Variants in CDK5RAP1 observed in about 807,000 individuals in gnomAD.
CDK5RAP1 encodes the protein CDK5RAP1 mitochondrial tRNA methylthiotransferase.
Under a neutral mutation model 64.5 loss-of-function variants are expected in CDK5RAP1, and 62 were observed. That is an observed-to-expected ratio of 0.96 (90% CI 0.78 to 1.19). The LOEUF (loss-of-function observed/expected upper bound fraction) is 1.19, where lower values mean the gene tolerates loss of function less well. Ranked by LOEUF, CDK5RAP1 falls within the 50% of genes most tolerant of loss-of-function variation. The pLI is 0.00. For missense variants in CDK5RAP1, 657 were observed against 735.0 expected, an observed-to-expected ratio of 0.89 and a Z score of 1.23; for synonymous variants, 250 against 261.9, an observed-to-expected ratio of 0.95 and a Z score of 0.44.
Position 33,396,896 on chromosome 20 carries a change from A to T in CDK5RAP1, c.169T>A (p.Ser57Thr). ...AAAGTCGGTCCAGCAGCCAGCCTGG[A>T]GCTGAAATCCTTCCGAGCTCCATCC... The part of the protein sequence containing the change: ...QEDGARKDFS[S>T]RLAAGPTFQH... The change falls in exon 2 of 14, where the codon TCC becomes ACC. Residue 57 changes from serine (S) to threonine (T), a missense_variant. Coordinates refer to ENST00000346416, the MANE Select transcript of CDK5RAP1 (RefSeq NM_016408.4). The T allele has an allele frequency of 6.2e-7, 1 of 1,614,178 alleles. No homozygotes were observed. Among genetic ancestry groups the T allele is most frequent in the Non-Finnish European group, 8.5e-7 (1 of 1,180,024 alleles).
chr20:33,389,415 C>T (rs1352064739), intron 5 of CDK5RAP1, among the ~76,000 whole-genome samples: 1 of 151,680 alleles, frequency 6.6e-6, no homozygotes, highest in African/African-American at 2.4e-5. Flanking sequence ...AAGTGAGGAG[C>T]CCCTCCGCCC....
intron 10 of CDK5RAP1, 89 bp downstream of exon 10, chr20:33,372,553 G>T: frequency 1.7e-6 from 1 of 586,704 alleles, no homozygotes; most frequent in Non-Finnish European, 2.9e-6. Flanking sequence ...TGTGTCACAA[G>T]GAAATGCCAA....
At chr20:33,360,225 T>A in intron 13 of CDK5RAP1, 126 bp downstream of exon 13, 1 of 834,762 alleles carries the variant, frequency 1.2e-6, no homozygotes, top group Non-Finnish European at 1.9e-6. Flanking sequence ...GCCCTTCCAT[T>A]GTACTGGTTG....
At chr20:33,384,930 G>A (rs900139538) in intron 7 of CDK5RAP1, among the ~76,000 whole-genome samples, 1 of 152,104 alleles carries the variant, frequency 6.6e-6, no homozygotes, top group Non-Finnish European at 1.5e-5. Context: ...AAGAACTGGG[G>A]CAGGGGCTAC....
Position 33,392,366 on chromosome 20 carries a change from C to G in CDK5RAP1, c.444-124G>C, listed in dbSNP as rs1988418916. On this transcript the variant is annotated intron_variant, in intron 4 of 13. Coordinates refer to ENST00000346416, the MANE Select transcript of CDK5RAP1 (RefSeq NM_016408.4). ...CTTTAAATCAAGCTTTTCCAACCTG[C>G]AGCCCACGGGCCACATGCAGCCAGG... is the stretch of plus-strand genomic sequence containing the variant. 6.5e-6 allele frequency: 3 copies of G among 464,988 alleles called. No individual in the cohort carries two copies. The East Asian group carries it at 9.6e-5, about 15-fold the overall frequency. The allele number at this position is 464,988 out of a possible 1,614,324, so 28.8% of individuals were successfully genotyped here.
At chr20:33,382,609 A>C (rs1986898359) in intron 7 of CDK5RAP1, among the ~76,000 whole-genome samples, 1 of 152,138 alleles carries the variant, frequency 6.6e-6, no homozygotes, top group African/African-American at 2.4e-5. Context: ...TGAACCCAGG[A>C]GGTGGAGGTT....
chr20:33,360,223 A>G, intron 13 of CDK5RAP1, 128 bp downstream of exon 13: 1 of 820,404 alleles, frequency 1.2e-6, no homozygotes, highest in South Asian at 1.8e-5. Context: ...GTGCCCTTCC[A>G]TTGTACTGGT....
chr20:33,376,775 A>C (rs1443170598), intron 8 of CDK5RAP1, among the ~76,000 whole-genome samples: 1 of 152,230 alleles, frequency 6.6e-6, no homozygotes, highest in Non-Finnish European at 1.5e-5. Context: ...GGATCTGGGC[A>C]GAGTAAACTG....
chr20:33,374,718 C>G (rs1236866146), intron 8 of CDK5RAP1, among the ~76,000 whole-genome samples: 1 of 151,966 alleles, frequency 6.6e-6, no homozygotes, highest in Non-Finnish European at 1.5e-5. Context: ...CACAAACCAC[C>G]ACACCTGGCT....
At chr20:33,372,913 CTTTTTTT>C in intron 9 of CDK5RAP1, 1 of 201,202 alleles carries the variant, frequency 5.0e-6, no homozygotes, top group Non-Finnish European at 9.4e-6. Flanking sequence ...AGGACATAAA[CTTTTTTT>C]TTTTTTTTTT....
In CDK5RAP1 at chr20:33,372,683, G is replaced by A. The variant is rs1188630591; in HGVS notation, c.1220C>T (p.Ala407Val). 1.3e-6 allele frequency: 2 copies of A among 1,582,208 alleles called. No individual in the cohort carries two copies. Among genetic ancestry groups the A allele is most frequent in the Non-Finnish European group, 1.7e-6 (2 of 1,165,916 alleles). ...EAMRRGYSREAYVELVHHIRE... is the reference protein window; with the variant it reads ...EAMRRGYSREVYVELVHHIRE... ...AATATGGTGAACTAACTCCACATAA[G>A]CTTCTCTTGAATATCTGCAATAAAG... The change falls in exon 10 of 14, where the codon GCT becomes GTT. Residue 407 changes from alanine to valine, a missense_variant. Coordinates refer to ENST00000346416, the MANE Select transcript of CDK5RAP1 (RefSeq NM_016408.4).
rs1349554487 is a variant in CDK5RAP1, at chr20:33,385,717, G to A, written c.809C>T (p.Thr270Ile). 6.8e-6 allele frequency: 11 copies of A among 1,614,114 alleles called. No homozygotes were observed. Among genetic ancestry groups the A allele is most frequent in the Non-Finnish European group, 8.5e-6 (10 of 1,179,952 alleles). The change falls in exon 7 of 14, where the codon ACC becomes ATC. Residue 270 changes from threonine to isoleucine, a missense_variant. By Grantham distance (89) the Thr-to-Ile change is moderately conservative. Coordinates refer to ENST00000346416, the MANE Select transcript of CDK5RAP1 (RefSeq NM_016408.4). ...AGGCCGACTCCTCTCCCTGCCCCGGGTGAAAGGAACAATGCAGTAGCTACA... is the reference window on the plus strand; with the variant it reads ...AGGCCGACTCCTCTCCCTGCCCCGGATGAAAGGAACAATGCAGTAGCTACA... ...NMCSYCIVPFTRGRERSRPIA... is the reference protein window; with the variant it reads ...NMCSYCIVPFIRGRERSRPIA...
intron 10 of CDK5RAP1, 29 bp from the exon 11 acceptor site, chr20:33,370,658 G>A: frequency 1.2e-6 from 2 of 1,613,538 alleles, no homozygotes; most frequent in Non-Finnish European, 1.7e-6. Flanking sequence ...GATGACAGGT[G>A]ACTGCCTGCT....
chr20:33,394,329 T>C lies in CDK5RAP1; in HGVS notation c.409-263A>G, dbSNP rs565718624. Among the ~76,000 whole-genome samples the C allele has an allele frequency of 2.0e-5, 3 of 151,990 alleles. No homozygotes were observed. In the South Asian group the frequency reaches 6.3e-4, roughly 32 times the overall value. ...ACCACGCCCAGTTAATTTTTGTATT[T>C]TTAGTAGAGATGGGGTTTTACCATG... On this transcript the variant is annotated intron_variant, in intron 3 of 13. Transcript: ENST00000346416.
chr20:33,362,222 C>G (rs1983075626), intron 12 of CDK5RAP1, among the ~76,000 whole-genome samples: 1 of 152,006 alleles, frequency 6.6e-6, no homozygotes, highest in South Asian at 2.1e-4. Context: ...AAAACCACCC[C>G]CAGCCACATC....
chr20:33,393,993 T>C, intron 4 of CDK5RAP1, 39 bp downstream of exon 4: 2 of 1,448,746 alleles, frequency 1.4e-6, no homozygotes, highest in Non-Finnish European at 1.9e-6. Flanking sequence ...CATTATTACA[T>C]AAAATACATT....
intron 1 of CDK5RAP1, among the ~76,000 whole-genome samples, chr20:33,399,024 C>A (rs1989156050): frequency 6.6e-6 from 1 of 152,094 alleles, no homozygotes; most frequent in Non-Finnish European, 1.5e-5. Flanking sequence ...ACTGTTGAAT[C>A]TGTGGGGAAA....
chr20:33,369,469 C>T (rs947837545), intron 11 of CDK5RAP1, among the ~76,000 whole-genome samples: 9 of 148,148 alleles, frequency 6.1e-5, no homozygotes, highest in African/African-American at 1.5e-4. Context: ...GGCAACAGAG[C>T]GAGACTGAGA....
At position 33,360,465 on chromosome 20, in the gene CDK5RAP1, C is replaced by A. The variant is rs528937618; in HGVS notation, c.1569G>T (p.Leu523=). ...EGLSKRSATD[L]CGRNDGNLKV... The stretch of plus-strand genomic sequence containing the variant: ...TAAGGTTTCCATCATTCCTGCCACA[C>A]AGGTCAGTGGCAGAGCGTTTACTGA... The change falls in exon 13 of 14, where the codon CTG becomes CTT. Residue 523 remains leucine (L), a synonymous_variant. Coordinates refer to ENST00000346416, the MANE Select transcript of CDK5RAP1 (RefSeq NM_016408.4). The A allele has an allele frequency of 2.5e-6, 4 of 1,613,036 alleles. No homozygotes were observed. In the East Asian group the frequency reaches 8.9e-5, roughly 36 times the overall value.
Sources: gnomAD v4.1 joint callset for allele counts (sites outside exome capture counted in the v4.1 genomes callset) on GRCh38, gnomAD v4.1.1 for gene constraint, MANE v1.5 for transcripts, NCBI Gene and HGNC (gene_info 2026-07-23, HGNC 2026-07-21) for gene names.